OLFM3: variants seen among roughly 807,000 people sequenced by gnomAD.
The protein encoded by OLFM3 is olfactomedin 3.
OLFM3 carries 20 observed loss-of-function variants against 48.6 expected under a neutral mutation model. That is an observed-to-expected ratio of 0.41 (90% CI 0.29 to 0.60). The LOEUF is 0.60. Ranked by LOEUF, OLFM3 falls within the 20% of genes least tolerant of loss-of-function variation. The probability of loss-of-function intolerance (pLI) is 0.28; values close to 1 mark genes in which losing one functional copy is unlikely to be tolerated. For synonymous variants in OLFM3, 222 were observed against 198.1 expected, an observed-to-expected ratio of 1.12 and a Z score of -1.01; for missense variants, 437 against 544.3, an observed-to-expected ratio of 0.80 and a Z score of 1.96.
intron 1 of OLFM3, among the ~76,000 whole-genome samples, chr1:101,886,268 A>G (rs1042952424): frequency 1.3e-5 from 1 of 78,118 alleles, no homozygotes; most frequent in South Asian, 3.1e-4. Context: ...CATGGTATGG[A>G]AAAAAAAAAT....
intron 1 of OLFM3, among the ~76,000 whole-genome samples, chr1:101,931,249 G>A (rs1272784291): frequency 2.6e-5 from 4 of 152,038 alleles, no homozygotes; most frequent in Admixed American, 2.6e-4. Context: ...AATGCATAAG[G>A]CCAAAAAATT....
At chr1:101,987,768 T>C (rs947457540) in intron 1 of OLFM3, among the ~76,000 whole-genome samples, 19 of 152,148 alleles carry the variant, frequency 1.2e-4, no homozygotes, top group African/African-American at 4.3e-4. Context: ...TTCAACTTAG[T>C]TGGAAAAATT....
intron 1 of OLFM3, among the ~76,000 whole-genome samples, chr1:101,840,611 T>C (rs1047927847): frequency 1.3e-5 from 2 of 152,006 alleles, no homozygotes; most frequent in African/African-American, 2.4e-5. Flanking sequence ...GCTGAGACTG[T>C]AGGCACACAC....
At chr1:101,920,777 G>T (rs1027383394) in intron 1 of OLFM3, among the ~76,000 whole-genome samples, 1 of 152,290 alleles carries the variant, frequency 6.6e-6, no homozygotes, top group Non-Finnish European at 1.5e-5. Context: ...AAACAATAGA[G>T]ACCCATTCCC....
chr1:101,994,372 A>G (rs1345042615), intron 1 of OLFM3, among the ~76,000 whole-genome samples: 1 of 150,962 alleles, frequency 6.6e-6, no homozygotes, highest in Non-Finnish European at 1.5e-5. Flanking sequence ...TATTTGTCCA[A>G]AAACTGTATT....
intron 1 of OLFM3, among the ~76,000 whole-genome samples, chr1:101,967,971 G>T (rs963934900): frequency 6.6e-6 from 1 of 152,054 alleles, no homozygotes; most frequent in African/African-American, 2.4e-5. Flanking sequence ...TCAAACATAC[G>T]AAGAAAACCC....
chr1:101,856,780 T>G (rs1379082206), intron 1 of OLFM3, among the ~76,000 whole-genome samples: 2 of 151,978 alleles, frequency 1.3e-5, no homozygotes, highest in Admixed American at 6.6e-5. Flanking sequence ...AAATTTAAGA[T>G]TAATATGATA....
chr1:101,838,080 C>T (rs1655523965), intron 1 of OLFM3, among the ~76,000 whole-genome samples: 1 of 152,112 alleles, frequency 6.6e-6, no homozygotes, highest in South Asian at 2.1e-4. Context: ...ATCACAGCCA[C>T]TGCAGCCTCC....
intron 1 of OLFM3, among the ~76,000 whole-genome samples, chr1:101,898,293 T>C (rs1224177482): frequency 6.6e-6 from 1 of 152,190 alleles, no homozygotes; most frequent in Non-Finnish European, 1.5e-5. Context: ...CAGGAAACTG[T>C]GGTTATGTAG....
chr1:101,938,496 T>G (rs1659691072), intron 1 of OLFM3, among the ~76,000 whole-genome samples: 1 of 152,224 alleles, frequency 6.6e-6, no homozygotes, highest in Admixed American at 6.5e-5. Flanking sequence ...TGTTCTACCT[T>G]GTGCCCCGTT....
At chr1:101,892,273 T>A (rs1658029037) in intron 1 of OLFM3, among the ~76,000 whole-genome samples, 1 of 151,932 alleles carries the variant, frequency 6.6e-6, no homozygotes, top group Non-Finnish European at 1.5e-5. Flanking sequence ...CCTGGGGAGA[T>A]AATAAAGCTT....
chr1:101,868,175 TG>T (rs542820044), intron 1 of OLFM3, among the ~76,000 whole-genome samples: 27 of 150,828 alleles, frequency 1.8e-4, no homozygotes, highest in African/African-American at 6.3e-4. Context: ...CCACTGAGAG[TG>T]GGGTGTTGCT....
At chr1:101,928,554 G>C (rs1407065590) in intron 1 of OLFM3, among the ~76,000 whole-genome samples, 1 of 152,024 alleles carries the variant, frequency 6.6e-6, no homozygotes, top group Non-Finnish European at 1.5e-5. Flanking sequence ...CTTTCTAACA[G>C]AGAACTTGAG....
intron 1 of OLFM3, among the ~76,000 whole-genome samples, chr1:101,923,629 T>C (rs1397994435): frequency 6.6e-6 from 1 of 152,104 alleles, no homozygotes; most frequent in Non-Finnish European, 1.5e-5. Flanking sequence ...TTTTACTTAT[T>C]CTTAAAAGGT....
intron 1 of OLFM3, among the ~76,000 whole-genome samples, chr1:101,882,069 A>G (rs917498223): frequency 1.3e-5 from 2 of 151,340 alleles, no homozygotes; most frequent in Admixed American, 1.3e-4. Context: ...AAAAGAAAAA[A>G]AAGAAAATTT....
At chr1:101,881,290 T>C (rs1262737183) in intron 1 of OLFM3, among the ~76,000 whole-genome samples, 1 of 151,900 alleles carries the variant, frequency 6.6e-6, no homozygotes, top group East Asian at 1.9e-4. Flanking sequence ...AGAAAAGAGG[T>C]TTGTGTTCAC....
chr1:101,813,421 C>T (rs1654166995), intron 4 of OLFM3, among the ~76,000 whole-genome samples: 1 of 152,042 alleles, frequency 6.6e-6, no homozygotes, highest in African/African-American at 2.4e-5. Context: ...AACTACTGTT[C>T]CATGTTTAGT....
At chr1:101,970,136 C>T (rs1406390374) in intron 1 of OLFM3, among the ~76,000 whole-genome samples, 1 of 152,064 alleles carries the variant, frequency 6.6e-6, no homozygotes, top group Admixed American at 6.5e-5. Context: ...TTGCCTCAGC[C>T]TCCCTAGTAA....
chr1:101,827,632 G>T (rs559586603), intron 3 of OLFM3, among the ~76,000 whole-genome samples: 2 of 152,192 alleles, frequency 1.3e-5, no homozygotes, highest in East Asian at 1.9e-4. Flanking sequence ...TAGGACTCAA[G>T]AAATAAATAA....
Sources: gnomAD v4.1 joint callset for allele counts (sites outside exome capture counted in the v4.1 genomes callset) on GRCh38, gnomAD v4.1.1 for gene constraint, MANE v1.5 for transcripts, NCBI Gene and HGNC (gene_info 2026-07-23, HGNC 2026-07-21) for gene names.